The following EXT1 variants were observed in gnomAD, a reference collection of about 807,000 sequenced individuals.
EXT1 encodes the protein exostosin-1.
A neutral mutation model predicts 82.5 loss-of-function variants in EXT1; 20 were observed. The ratio of observed to expected loss-of-function variants is 0.24; its 90% confidence interval spans 0.17 to 0.35. The LOEUF is 0.35. Among genes scored for constraint, EXT1 ranks in the 10% least tolerant of loss-of-function variants. The pLI, the probability that EXT1 is intolerant of heterozygous loss-of-function variation, is 1.00. For synonymous variants in EXT1, 348 were observed against 350.8 expected (o/e 0.99, Z 0.09); for missense variants, 757 against 936.5 (o/e 0.81, Z 2.50).
chr8:117,850,887 G>A (rs1299040440), intron 1 of EXT1, among the ~76,000 whole-genome samples: 2 of 152,094 alleles, frequency 1.3e-5, no homozygotes, highest in Admixed American at 6.5e-5. Context: ...ATTGGTGTGT[G>A]TCAGGACACA....
intron 1 of EXT1, among the ~76,000 whole-genome samples, chr8:117,975,622 C>T (rs1279099882): frequency 5.3e-5 from 8 of 152,154 alleles, no homozygotes. Flanking sequence ...TTCCTCCCCT[C>T]TAACATGCGG....
chr8:118,004,500 A>T (rs886445695), intron 1 of EXT1, among the ~76,000 whole-genome samples: 1 of 152,246 alleles, frequency 6.6e-6, no homozygotes, highest in African/African-American at 2.4e-5. Context: ...AGGAAGAAGC[A>T]CTGATACACC....
At chr8:117,918,697 C>T (rs574683339) in intron 1 of EXT1, among the ~76,000 whole-genome samples, 6 of 152,262 alleles carry the variant, frequency 3.9e-5, no homozygotes, top group Non-Finnish European at 7.3e-5. Flanking sequence ...TGCATGGAGG[C>T]GAACTGAGCG....
intron 8 of EXT1, 147 bp downstream of exon 8, chr8:117,812,725 C>T (rs958396488): frequency 1.3e-5 from 10 of 748,516 alleles, no homozygotes; most frequent in Admixed American, 2.0e-5. Context: ...TAACAGGAAT[C>T]GGGCTGATTA....
intron 1 of EXT1, among the ~76,000 whole-genome samples, chr8:117,909,174 T>C (rs980610646): frequency 6.6e-6 from 1 of 151,998 alleles, no homozygotes; most frequent in East Asian, 1.9e-4. Flanking sequence ...TAACTTGGTG[T>C]CATGGCTAAA....
At chr8:117,965,339 A>G (rs760992830) in intron 1 of EXT1, among the ~76,000 whole-genome samples, 13 of 152,148 alleles carry the variant, frequency 8.5e-5, no homozygotes, top group Non-Finnish European at 1.0e-4. Context: ...GCTGATTGCT[A>G]CTGTTTAATT....
chr8:118,038,230 C>T (rs1816461636), intron 1 of EXT1, among the ~76,000 whole-genome samples: 1 of 152,104 alleles, frequency 6.6e-6, no homozygotes, highest in South Asian at 2.1e-4. Flanking sequence ...ATCCTAATGG[C>T]ATTTAAAACA....
Position 117,880,653 on chromosome 8 carries a change from C to CA in EXT1, c.963-43453dup, listed in dbSNP as rs1813043038. 4.0e-5 allele frequency among the ~76,000 whole-genome samples: 6 copies of CA among 150,068 alleles called. No homozygotes were observed. The South Asian group carries it at 1.3e-3, about 32-fold the overall frequency. ...TCACCCAGATTGGAGTGCAGTGGCACAATCTCAGCTCACCGCAACCTCCGC... is the reference window on the plus strand; with the variant it reads ...TCACCCAGATTGGAGTGCAGTGGCACAAATCTCAGCTCACCGCAACCTCCGC... On this transcript the variant is annotated intron_variant, in intron 1 of 10. Coordinates refer to ENST00000378204, the MANE Select transcript of EXT1 (RefSeq NM_000127.3).
Position 117,799,845 on chromosome 8 carries a change from C to A in EXT1, c.2108G>T (p.Ser703Ile). The A allele has an allele frequency of 3.7e-6, 6 of 1,614,170 alleles. No homozygotes were observed. The highest frequency in any genetic ancestry group is 5.1e-6 in the Non-Finnish European group (6 of 1,180,046). ...CCAGCTGGCAAACGTATTCATGCAGCTCTGTCGCTGGGCAAAGTGGTCAGG... is the reference window on the plus strand; with the variant it reads ...CCAGCTGGCAAACGTATTCATGCAGATCTGTCGCTGGGCAAAGTGGTCAGG... ...ADPDHFAQRQ[S>I]CMNTFASWFG... is the part of the protein sequence containing the mutation. The change falls in exon 11 of 11, where the codon AGC (serine) becomes ATC (isoleucine). Residue 703 changes from serine (S) to isoleucine (I), a missense_variant. Ser to Ile is a moderately radical substitution (Grantham distance 142). Transcript: ENST00000378204.
intron 1 of EXT1, among the ~76,000 whole-genome samples, chr8:118,029,128 C>T (rs911299318): frequency 6.6e-6 from 1 of 151,552 alleles, no homozygotes; most frequent in Non-Finnish European, 1.5e-5. Context: ...TTTGTAGATT[C>T]AACATTGATG....
intron 8 of EXT1, among the ~76,000 whole-genome samples, chr8:117,809,209 G>GTATAAATATATATTA (rs1471755255): frequency 2.3e-5 from 2 of 86,030 alleles, no homozygotes; most frequent in Non-Finnish European, 4.8e-5. Context: ...ATATGTGTGT[G>GTATAAATATATATTA]TGTGTATAAA....
At chr8:117,807,557 T>C (rs1823257796) in intron 8 of EXT1, among the ~76,000 whole-genome samples, 180 bp from the exon 9 acceptor site, 1 of 152,222 alleles carries the variant, frequency 6.6e-6, no homozygotes, top group Non-Finnish European at 1.5e-5. Flanking sequence ...ATTATGCACA[T>C]TTTAATGTTT....
chr8:117,891,595 A>G (rs1813243048), intron 1 of EXT1, among the ~76,000 whole-genome samples: 1 of 152,164 alleles, frequency 6.6e-6, no homozygotes, highest in South Asian at 2.1e-4. Context: ...TGGATTCAAT[A>G]TATGTAAATA....
chr8:117,825,540 G>A (rs1203727427), intron 4 of EXT1, among the ~76,000 whole-genome samples: 1 of 152,104 alleles, frequency 6.6e-6, no homozygotes, highest in Non-Finnish European at 1.5e-5. Flanking sequence ...CCCTCGATAA[G>A]GACAATATTT....
At chr8:118,071,131 T>C (rs926933883) in intron 1 of EXT1, among the ~76,000 whole-genome samples, 11 of 152,204 alleles carry the variant, frequency 7.2e-5, no homozygotes, top group South Asian at 2.1e-4. Context: ...GCTACTTCAG[T>C]CCACAAATGA....
intron 1 of EXT1, among the ~76,000 whole-genome samples, chr8:117,849,162 C>T (rs1397837498): frequency 6.6e-6 from 1 of 152,172 alleles, no homozygotes; most frequent in African/African-American, 2.4e-5. Flanking sequence ...TCAAATAGCC[C>T]CTTCTCAGAG....
intron 1 of EXT1, among the ~76,000 whole-genome samples, chr8:117,921,511 G>A (rs936865954): frequency 2.0e-5 from 3 of 152,188 alleles, no homozygotes; most frequent in Admixed American, 2.0e-4. Context: ...TTGGCAAAAT[G>A]AGAATAATAA....
At chr8:117,820,319 A>C (rs1367478836) in intron 5 of EXT1, among the ~76,000 whole-genome samples, 2 of 152,202 alleles carry the variant, frequency 1.3e-5, no homozygotes, top group African/African-American at 4.8e-5. Context: ...TGGAAAGATT[A>C]CTTAACCCTC....
chr8:118,099,157 G>A (rs757229367), intron 1 of EXT1, among the ~76,000 whole-genome samples: 36 of 152,218 alleles, frequency 2.4e-4, no homozygotes, highest in Non-Finnish European at 4.1e-4. Context: ...TGTGCTTGGT[G>A]ACAGGCAGGG....
Sources: allele counts gnomAD v4.1 joint callset (sites outside exome capture counted in the v4.1 genomes callset), GRCh38; gene constraint gnomAD v4.1.1; transcripts MANE v1.5; gene names NCBI Gene and HGNC (gene_info 2026-07-23, HGNC 2026-07-21).